MTDH: variants seen among roughly 807,000 people sequenced by gnomAD.
The protein encoded by MTDH is metadherin.
Under a neutral mutation model 72.7 loss-of-function variants are expected in MTDH, and 34 were observed. The ratio of observed to expected loss-of-function variants is 0.47; its 90% CI spans 0.36 to 0.62. The LOEUF is 0.62. Among genes scored for constraint, MTDH ranks in the 20% least tolerant of loss-of-function variants. MTDH has a pLI of 0.00. For synonymous variants in MTDH, 266 were observed against 268.9 expected (o/e 0.99, Z 0.10); for missense variants, 677 against 699.4 (o/e 0.97, Z 0.36).
At chr8:97,707,470 T>TG (rs1814408880) in intron 8 of MTDH, among the ~76,000 whole-genome samples, 1 of 143,376 alleles carries the variant, frequency 7.0e-6, no homozygotes, top group African/African-American at 2.8e-5. Flanking sequence ...TTTTTTTTTT[T>TG]TTTGAGATGG....
At chr8:97,677,263 G>A (rs1220650960) in intron 2 of MTDH, among the ~76,000 whole-genome samples, 2 of 148,134 alleles carry the variant, frequency 1.4e-5, no homozygotes, top group African/African-American at 2.5e-5. Context: ...GGAGGCCGAG[G>A]CAGGTGGATC....
At chr8:97,707,449 CTTTTTTT>C (rs35528230) in intron 8 of MTDH, among the ~76,000 whole-genome samples, 5 of 80,216 alleles carry the variant, frequency 6.2e-5, no homozygotes, top group African/African-American at 1.9e-4. Context: ...CATGCCTGGC[CTTTTTTT>C]TTTTTTTTTT....
At chr8:97,651,179 A>G (rs1811757294) in intron 1 of MTDH, among the ~76,000 whole-genome samples, 1 of 152,318 alleles carries the variant, frequency 6.6e-6, no homozygotes, top group South Asian at 2.1e-4. Flanking sequence ...TCTGGTCACA[A>G]TATTTTCACC....
At chr8:97,695,340 C>T (rs956731555) in intron 6 of MTDH, among the ~76,000 whole-genome samples, 12 of 152,198 alleles carry the variant, frequency 7.9e-5, no homozygotes, top group Middle Eastern at 3.4e-3. Context: ...TCTTGAACTC[C>T]TGACCTCATA....
chr8:97,703,703 C>T (rs1241076787), intron 7 of MTDH, among the ~76,000 whole-genome samples: 3 of 152,164 alleles, frequency 2.0e-5, no homozygotes, highest in African/African-American at 7.2e-5. Context: ...TGAAGTATAT[C>T]TTAATGAGAG....
intron 2 of MTDH, among the ~76,000 whole-genome samples, chr8:97,664,019 G>T (rs1047268588): frequency 1.3e-5 from 2 of 152,098 alleles, no homozygotes; most frequent in Non-Finnish European, 2.9e-5. Flanking sequence ...CCATTTTACA[G>T]ATAAGGGCTC....
At chr8:97,717,632 C>A (rs577235940) in intron 9 of MTDH, among the ~76,000 whole-genome samples, 4 of 148,342 alleles carry the variant, frequency 2.7e-5, no homozygotes, top group African/African-American at 9.8e-5. Context: ...TCCCCCCCCC[C>A]CCAAAAATGG....
intron 1 of MTDH, among the ~76,000 whole-genome samples, chr8:97,658,693 T>TGG: frequency 6.6e-6 from 1 of 152,148 alleles, no homozygotes; most frequent in Admixed American, 6.6e-5. Flanking sequence ...TTTTGTGAGT[T>TGG]GCCAGTTGAA....
chr8:97,665,395 A>G (rs1475055560), intron 2 of MTDH, among the ~76,000 whole-genome samples: 1 of 152,238 alleles, frequency 6.6e-6, no homozygotes, highest in Non-Finnish European at 1.5e-5. Context: ...TAGGACGATT[A>G]GCCAGACTGA....
intron 2 of MTDH, among the ~76,000 whole-genome samples, chr8:97,675,323 G>T (rs924287157): frequency 2.0e-5 from 3 of 152,164 alleles, no homozygotes; most frequent in Non-Finnish European, 4.4e-5. Flanking sequence ...CACTTTGGGA[G>T]GCTGAGGTGG....
At position 97,706,764 on chromosome 8, in the gene MTDH, A is replaced by G. The variant is rs910112548; in HGVS notation, c.1272+14A>G. ...GATGATCAAAAGGTGAGTATAAGAG[A>G]TTCCTGGGTGTTTATTTGTTAATGA... On this transcript the variant is annotated intron_variant, in intron 8 of 11. Coordinates refer to ENST00000336273, the MANE Select transcript of MTDH (RefSeq NM_178812.4). 1.2e-6 allele frequency: 2 copies of G among 1,606,688 alleles called. No individual in the cohort carries two copies. Among genetic ancestry groups the G allele is most frequent in the African/African-American group, 2.7e-5 (2 of 74,506 alleles).
chr8:97,701,331 A>C (rs905673327), intron 7 of MTDH, among the ~76,000 whole-genome samples: 3 of 152,120 alleles, frequency 2.0e-5, no homozygotes, highest in Non-Finnish European at 4.4e-5. Context: ...ATGTCTTCCC[A>C]TATATTTTAA....
At chr8:97,679,418 A>G (rs1305933294) in intron 2 of MTDH, among the ~76,000 whole-genome samples, 4 of 152,292 alleles carry the variant, frequency 2.6e-5, no homozygotes, top group East Asian at 1.9e-4. Flanking sequence ...TACAGAAACA[A>G]TGTATTGATG....
At chr8:97,706,845 A>G in intron 8 of MTDH, 95 bp downstream of exon 8, 1 of 1,397,886 alleles carries the variant, frequency 7.2e-7, no homozygotes, top group South Asian at 1.6e-5. Context: ...TTTGGGAGGT[A>G]CTGTGGGAGG....
At chr8:97,682,447 C>T (rs1171958908) in intron 2 of MTDH, among the ~76,000 whole-genome samples, 6 of 148,706 alleles carry the variant, frequency 4.0e-5, no homozygotes, top group South Asian at 2.1e-4. Flanking sequence ...TATAGGCGCC[C>T]GCCACCACGC....
chr8:97,662,351 T>TA lies in MTDH; in HGVS notation c.483+1187dup, dbSNP rs929910197. ...CACATCCAGAGCCCCTCCCCCTTTT[T>TA]AAAAAAAAATCCTGTCTATGCATAG... On this transcript the variant is annotated intron_variant, in intron 2 of 11. Coordinates refer to ENST00000336273, the MANE Select transcript of MTDH (RefSeq NM_178812.4). Among the ~76,000 whole-genome samples, 14 of 147,882 alleles carry TA rather than the reference T, an allele frequency of 9.5e-5. 1 individual carries two copies. The South Asian group carries it at 1.1e-3, about 11-fold the overall frequency.
At chr8:97,713,640 A>G in intron 8 of MTDH, 22 bp from the exon 9 acceptor site, 2 of 1,408,654 alleles carry the variant, frequency 1.4e-6, no homozygotes, top group Non-Finnish European at 2.0e-6. Flanking sequence ...GTTCTCTTTA[A>G]TATTTTTGCT....
chr8:97,727,650 C>A lies in MTDH; in HGVS notation c.*2980C>A, dbSNP rs563318692. Reference sequence around the variant, plus strand: ...GCTTCCAGAACTAGTAGGGAAATAACTAACCTCTTCAGGCTTTATCAGGCC... The same window carrying A: ...GCTTCCAGAACTAGTAGGGAAATAAATAACCTCTTCAGGCTTTATCAGGCC... On this transcript the variant is annotated 3_prime_UTR_variant, in exon 12 of 12. Coordinates refer to ENST00000336273, the MANE Select transcript of MTDH (RefSeq NM_178812.4). 3.3e-5 allele frequency: 5 copies of A among 152,188 alleles called. No homozygotes were observed. In the South Asian group the frequency reaches 1.0e-3, roughly 32 times the overall value. The allele number at this position is 152,188 out of a possible 1,614,324, so 9.4% of individuals were successfully genotyped here.
intron 1 of MTDH, among the ~76,000 whole-genome samples, chr8:97,653,622 C>T (rs1445975806): frequency 6.6e-6 from 1 of 152,090 alleles, no homozygotes; most frequent in Admixed American, 6.5e-5. Context: ...CAACAATAAA[C>T]CCTATGAACA....
Sources: allele counts gnomAD v4.1 joint callset (sites outside exome capture counted in the v4.1 genomes callset), GRCh38; gene constraint gnomAD v4.1.1; transcripts MANE v1.5; gene names NCBI Gene and HGNC (gene_info 2026-07-23, HGNC 2026-07-21).